The following NBEAL2 variants were observed in gnomAD, a reference collection of about 807,000 sequenced individuals.
NBEAL2 encodes neurobeachin like 2, also known as neurobeachin-like protein 2.
NBEAL2 carries 160 observed loss-of-function variants against 299.8 expected under a neutral mutation model. The observed-to-expected ratio is 0.53, with a 90% CI of 0.47 to 0.61. The LOEUF is 0.61. NBEAL2 is among the 20% of genes least tolerant of loss of function. The probability of loss-of-function intolerance (pLI) is 0.00; values close to 1 mark genes in which losing one functional copy is unlikely to be tolerated. For missense variants in NBEAL2, 3,112 were observed against 3,649.0 expected (o/e 0.85, Z 3.79); for synonymous variants, 1,493 against 1,542.3 (o/e 0.97, Z 0.75).
intron 1 of NBEAL2, among the ~76,000 whole-genome samples, chr3:46,983,253 G>T (rs144766098): frequency 6.6e-6 from 1 of 151,014 alleles, no homozygotes; most frequent in Non-Finnish European, 1.5e-5. Context: ...GATCTCTACT[G>T]CCTCTCAGAA....
Position 47,006,453 on chromosome 3 carries a change from AAAGG to A in NBEAL2, c.7134+8_7134+11del, listed in dbSNP as rs1207089511. 2 of 1,565,778 alleles carry A rather than the reference AAAGG, an allele frequency of 1.3e-6. No individual in the cohort carries two copies. The highest frequency in any genetic ancestry group is 2.4e-5 in the East Asian group (1 of 42,254). ...ACTCAAGGCATTCTTCGCAGAGGTG[AAAGG>A]AAGACAAGACCTCAACTTTATATTC... On this transcript the variant is annotated splice_donor_5th_base_variant and intron_variant, in intron 45 of 53. Coordinates refer to ENST00000450053, the MANE Select transcript of NBEAL2 (RefSeq NM_015175.3).
Position 47,007,224 on chromosome 3 carries a change from C to G in NBEAL2, c.7225-17C>G, listed in dbSNP as rs1197829978. ...TGCCTCTGCCAGAAACCCACCTCTG[C>G]CCCCTCCTGCCTGCAGGTGACTGTG... On this transcript the variant is annotated splice_polypyrimidine_tract_variant and intron_variant, in intron 46 of 53. Transcript: ENST00000450053. 2 of 1,609,592 alleles carry G rather than the reference C, an allele frequency of 1.2e-6. No individual in the cohort carries two copies. Among genetic ancestry groups the G allele is most frequent in the Non-Finnish European group, 1.7e-6 (2 of 1,177,774 alleles).
Position 46,997,367 on chromosome 3 carries a change from G to T in NBEAL2, c.2758G>T (p.Val920Leu). ...AGGTCCAGCTGAAACGCATGACCTC[G>T]TGGGTCCTGAACTGACCTCTGGTCA... ...EAGPAETHDL[V>L]GPELTSGHNT... Residue 920 changes from valine (V) to leucine (L), a missense_variant, in exon 19 of 54, where the codon GTG becomes TTG. Transcript: ENST00000450053. 6.2e-7 allele frequency: 1 copy of T among 1,612,174 alleles called. No homozygotes were observed. Among genetic ancestry groups the T allele is most frequent in the Non-Finnish European group, 8.5e-7 (1 of 1,179,738 alleles).
Position 46,990,302 on chromosome 3 carries a change from G to C in NBEAL2, c.556+709G>C, listed in dbSNP as rs367884494. ...AGCTCCTCGACTTTATTTTCCCATA[G>C]CCTGGGTGCTGTTATTAAAACAAAC... On this transcript the variant is annotated intron_variant, in intron 6 of 53. Transcript: ENST00000450053. Among the ~76,000 whole-genome samples the C allele has an allele frequency of 1.1e-3, 162 of 152,306 alleles. 4 individuals are homozygous for C. The South Asian group carries it at 0.033, about 31-fold the overall frequency.
rs375381261 is a variant in NBEAL2 at position 46,993,928 on chromosome 3, C to A, written c.1114-9C>A. ...CCTGCCTCTCCTGATGGCCCCTCCC[C>A]ACCCCAAGGTCCTGGACCAAGACAC... On this transcript the variant is annotated splice_polypyrimidine_tract_variant and intron_variant, in intron 10 of 53. Transcript: ENST00000450053. The A allele has an allele frequency of 3.4e-5, 54 of 1,606,926 alleles. No individual in the cohort carries two copies. The highest frequency in any genetic ancestry group is 4.4e-5 in the Non-Finnish European group (52 of 1,177,112).
rs543363774 is a variant in NBEAL2 at position 46,997,840 on chromosome 3, G to T, written c.2958+146G>T. 2.1e-4 allele frequency: 267 copies of T among 1,290,802 alleles called. 3 individuals are homozygous for T. The South Asian group carries it at 3.7e-3, about 18-fold the overall frequency. 80.0% of individuals were successfully genotyped at this position (1,290,802 alleles called of 1,614,324 possible). A position where few individuals can be genotyped will look rare whatever the true frequency, so the allele number is the denominator to read the frequency against. On this transcript the variant is annotated intron_variant, in intron 20 of 53. Transcript: ENST00000450053. The stretch of plus-strand genomic sequence containing the variant: ...GGGCCTGAAAGGCCGAGCAGGGTTG[G>T]GTCTGGAGGATCTGGGGAAAGGCCC...
rs397708574 is a variant in NBEAL2, at chr3:47,009,418, A to AG, written c.*104dup. 4.0e-5 allele frequency: 41 copies of AG among 1,030,506 alleles called. No individual in the cohort carries two copies. Among genetic ancestry groups the AG allele is most frequent in the Middle Eastern group, 2.1e-4 (1 of 4,798 alleles). 63.8% of individuals were successfully genotyped at this position (1,030,506 alleles called of 1,614,324 possible). On this transcript the variant is annotated 3_prime_UTR_variant, in exon 54 of 54. Transcript: ENST00000450053. ...GGGAACACCCCGGGGTGGGCAGCCC[A>AG]GGGGGGTGAGCGGGGCCCACCCTGC...
At chr3:46,987,964 G>A (rs1185922874) in intron 1 of NBEAL2, 29 of 1,270,362 alleles carry the variant, frequency 2.3e-5, no homozygotes, top group South Asian at 6.3e-5. Context: ...CCCCAGCCCC[G>A]GGGCGGGAGG....
chr3:46,981,883 G>A (rs2035371302), intron 1 of NBEAL2: 1 of 152,460 alleles, frequency 6.6e-6, no homozygotes. Flanking sequence ...CTCAGGAGGT[G>A]GTTATGGCTC....
At chr3:46,994,588 G>A (rs1392123989) in intron 12 of NBEAL2, 35 bp downstream of exon 12, 1 of 1,528,858 alleles carries the variant, frequency 6.5e-7, no homozygotes, top group Non-Finnish European at 8.9e-7. Flanking sequence ...GGTCCCAAAG[G>A]CAACCAGAAC....
chr3:46,986,081 G>T (rs1193461684), intron 1 of NBEAL2, among the ~76,000 whole-genome samples: 2 of 152,126 alleles, frequency 1.3e-5, no homozygotes. Flanking sequence ...ACCCAGGGAG[G>T]CAGGACAGGC....
At chr3:46,990,877 C>T (rs966349358) in intron 6 of NBEAL2, among the ~76,000 whole-genome samples, 13 of 152,194 alleles carry the variant, frequency 8.5e-5, no homozygotes, top group Admixed American at 8.5e-4. Context: ...ATCTGAGAAA[C>T]TAAGCCCTGG....
Position 47,002,031 on chromosome 3 carries a change from G to A in NBEAL2, c.4894G>A (p.Val1632Met), listed in dbSNP as rs2037044323. ...CAAGCTGGAGGCTGCACTGGGGCGG[G>A]TGCTGAACACCTCTTCCTTGGAGTC... Reference protein sequence around the residue: ...LSKLEAALGRVLNTSSLESAT... With the variant: ...LSKLEAALGRMLNTSSLESAT... The change falls in exon 31 of 54, where the codon GTG becomes ATG. Residue 1632 changes from valine to methionine, a missense_variant. By Grantham distance (21) the Val-to-Met change is conservative. This residue lies in a region of NBEAL2 where 2,243 missense variants were observed against 2,538.1 expected (regional missense o/e 0.88). Transcript: ENST00000450053. The A allele has an allele frequency of 3.8e-6, 6 of 1,568,102 alleles. No individual in the cohort carries two copies. The African/African-American group carries it at 8.1e-5, about 21-fold the overall frequency.
rs2036046672 is a variant in NBEAL2 at position 46,991,076 on chromosome 3, A to G, written c.557-143A>G. ...CTTAGATGCCCCCCAGGGCAGAGCC[A>G]GCTCTTATCCCTCACACTGGATCTT... On this transcript the variant is annotated intron_variant, in intron 6 of 53. Coordinates refer to ENST00000450053, the MANE Select transcript of NBEAL2 (RefSeq NM_015175.3). This position sits in a 1 kb window ranked among gnomAD's most constrained non-coding sequence, Gnocchi z 6.2. The G allele has an allele frequency of 4.3e-6, 3 of 705,168 alleles. No homozygotes were observed. In the Admixed American group the frequency reaches 6.9e-5, roughly 16 times the overall value. The allele number at this position is 705,168 out of a possible 1,614,324, so 43.7% of individuals were successfully genotyped here.
Position 47,004,768 on chromosome 3 carries a change from C to T in NBEAL2, c.6294+178C>T. ...CCCCAGAGGTCCCCAGCCTCACTCC[C>T]TTCCCCTCCCTGCCTAGCCTCTATT... On this transcript the variant is annotated intron_variant, in intron 38 of 53. Coordinates refer to ENST00000450053, the MANE Select transcript of NBEAL2 (RefSeq NM_015175.3). This position sits in a 1 kb window ranked among gnomAD's most constrained non-coding sequence, Gnocchi z 5.0. 2.0e-6 allele frequency: 2 copies of T among 992,538 alleles called. No homozygotes were observed. The highest frequency in any genetic ancestry group is 2.1e-5 in the Admixed American group (1 of 46,846). 61.5% of individuals were successfully genotyped at this position (992,538 alleles called of 1,614,324 possible).
chr3:47,001,062 G>C lies in NBEAL2; in HGVS notation c.4367G>C (p.Arg1456Pro). ...AACGTGCTGTTCTCGGTGACGTGGC[G>C]TGGCGTGGAAGGCAGCGATGAGGCT... Reference protein sequence around the residue: ...LTNVLFSVTWRGVEGSDEAAW... With the variant: ...LTNVLFSVTWPGVEGSDEAAW... Residue 1456 changes from arginine (R) to proline (P), a missense_variant, in exon 28 of 54, where the codon CGT (arginine) becomes CCT (proline). Transcript: ENST00000450053. This position sits in a 1 kb window ranked among gnomAD's most constrained non-coding sequence, Gnocchi z 6.1. 2 of 1,612,592 alleles carry C rather than the reference G, an allele frequency of 1.2e-6. No homozygotes were observed. Among genetic ancestry groups the C allele is most frequent in the South Asian group, 2.2e-5 (2 of 90,810 alleles).
At position 46,995,311 on chromosome 3, in the gene NBEAL2, G is replaced by A; in HGVS notation, c.1576G>A (p.Val526Ile). ...LLALLQALGR[V>I]SIRPMELRHL... The stretch of plus-strand genomic sequence containing the variant: ...GGCACTGCTACAAGCACTGGGCCGT[G>A]TATCAATAAGGCCCATGGAGCTGCG... Residue 526 changes from valine (V) to isoleucine (I), a missense_variant, in exon 13 of 54, where the codon GTA becomes ATA. Val to Ile is a conservative substitution (Grantham distance 29). Around this residue, in one of 3 missense-constraint regions of NBEAL2, gnomAD observed 2,243 missense variants for 2,538.1 expected, o/e 0.88. Coordinates refer to ENST00000450053, the MANE Select transcript of NBEAL2 (RefSeq NM_015175.3). The A allele has an allele frequency of 6.3e-7, 1 of 1,586,462 alleles. No individual in the cohort carries two copies.
Position 47,004,952 on chromosome 3 carries a change from CT to C in NBEAL2, c.6295-19del. On this transcript the variant is annotated intron_variant, in intron 38 of 53. Coordinates refer to ENST00000450053, the MANE Select transcript of NBEAL2 (RefSeq NM_015175.3). The surrounding 1 kb of genome is among the most constrained non-coding windows in gnomAD (Gnocchi z 5.0). ...GGCCATCAGGGCCCTCATGCAGCCCCTGCTCGGGTGGGTGGCCAGTTCCCCT... is the reference window on the plus strand; with the variant it reads ...GGCCATCAGGGCCCTCATGCAGCCCCGCTCGGGTGGGTGGCCAGTTCCCCT... 6.3e-7 allele frequency: 1 copy of C among 1,595,556 alleles called. No individual in the cohort carries two copies. Among genetic ancestry groups the C allele is most frequent in the Non-Finnish European group, 8.5e-7 (1 of 1,171,538 alleles).
intron 22 of NBEAL2, 70 bp downstream of exon 22, chr3:46,998,635 G>A (rs2036695033): frequency 1.3e-6 from 2 of 1,564,004 alleles, no homozygotes; most frequent in South Asian, 2.3e-5. Context: ...GGACTGGGCG[G>A]TGCGCTTCCC....
Sources: gnomAD v4.1 joint callset for allele counts (sites outside exome capture counted in the v4.1 genomes callset) on GRCh38, gnomAD v4.1.1 for gene constraint, gnomAD v4.1.1 regional missense constraint, Gnocchi (gnomAD v3.1) non-coding constraint, MANE v1.5 for transcripts, NCBI Gene and HGNC (gene_info 2026-07-23, HGNC 2026-07-21) for gene names.